The following WWP2 variants were observed in gnomAD, a reference collection of about 807,000 sequenced individuals.
WWP2 encodes NEDD4-like E3 ubiquitin-protein ligase WWP2.
In WWP2, 57 loss-of-function variants were observed where a neutral mutation model predicts 121.0. The ratio of observed to expected loss-of-function variants is 0.47; its 90% confidence interval spans 0.38 to 0.59. The LOEUF (loss-of-function observed/expected upper bound fraction) is 0.59. Among genes scored for constraint, WWP2 ranks in the 20% least tolerant of loss-of-function variants. The pLI is 0.00. For synonymous variants in WWP2, 449 were observed against 441.3 expected (o/e 1.02, Z -0.22); for missense variants, 962 against 1,158.9 (o/e 0.83, Z 2.47).
chr16:69,803,114 A>G (rs1420038306), intron 4 of WWP2, among the ~76,000 whole-genome samples: 2 of 145,774 alleles, frequency 1.4e-5, no homozygotes, highest in Admixed American at 6.8e-5. Flanking sequence ...TTTTTTTCCT[A>G]TTTGATAACT....
chr16:69,936,078 G>A (rs2058793182), intron 18 of WWP2, 92 bp downstream of exon 18: 14 of 1,552,296 alleles, frequency 9.0e-6, no homozygotes, highest in Non-Finnish European at 1.1e-5. Flanking sequence ...TTGTCTGCCA[G>A]TGTGGCCCCT....
At chr16:69,764,647 C>T (rs185298001) in intron 1 of WWP2, among the ~76,000 whole-genome samples, 18 of 152,168 alleles carry the variant, frequency 1.2e-4, no homozygotes, top group Admixed American at 1.2e-3. Flanking sequence ...GGAAAACATT[C>T]TTTCATTCAG....
At chr16:69,771,318 G>A (rs149858454) in intron 1 of WWP2, among the ~76,000 whole-genome samples, 7,802 of 152,150 alleles carry the variant, frequency 0.051, 266 homozygotes, top group Middle Eastern at 0.11. Flanking sequence ...TGCTATCTTG[G>A]CTCACTGCAA....
chr16:69,810,612 T>C (rs1367208908), intron 4 of WWP2, among the ~76,000 whole-genome samples: 4 of 151,564 alleles, frequency 2.6e-5, no homozygotes, highest in Non-Finnish European at 2.9e-5. Context: ...TATTTTTTTT[T>C]AGTAGAGATG....
rs2058623588 is a variant in WWP2, at chr16:69,925,278, G to A, written c.1180-152G>A. 1 of 1,470,026 alleles carries A rather than the reference G, an allele frequency of 6.8e-7. No homozygotes were observed. Among genetic ancestry groups the A allele is most frequent in the Non-Finnish European group, 9.0e-7 (1 of 1,108,970 alleles). 91.1% of individuals were successfully genotyped at this position (1,470,026 alleles called of 1,614,324 possible). On this transcript the variant is annotated intron_variant, in intron 10 of 23. Coordinates refer to ENST00000359154, the MANE Select transcript of WWP2 (RefSeq NM_001270454.2). This position sits in a 1 kb window ranked among gnomAD's most constrained non-coding sequence, Gnocchi z 4.0. ...AACAAAAAACAGAGACTTTTGAGAG[G>A]AGCAGATGCCACCTAAAGTCCCACT...
chr16:69,900,898 T>C (rs1188094659), intron 8 of WWP2, among the ~76,000 whole-genome samples: 1 of 152,182 alleles, frequency 6.6e-6, no homozygotes, highest in Non-Finnish European at 1.5e-5. Context: ...TCAGGAGCTT[T>C]GGTAGCTGCT....
chr16:69,871,991 C>T (rs547000889), intron 7 of WWP2, 60 bp downstream of exon 7: 120 of 1,560,188 alleles, frequency 7.7e-5, no homozygotes, highest in South Asian at 1.7e-4. Context: ...CCCGTTCTAA[C>T]GTGGACACGG....
chr16:69,940,787 C>T lies in WWP2; in HGVS notation c.*847C>T, dbSNP rs2058870251. Reference sequence around the variant, plus strand: ...CCTCTCAGGAACCCACCTGGCGGTTCCGTGAGCTCAGGCAGGCCTGACCCG... The same window carrying T: ...CCTCTCAGGAACCCACCTGGCGGTTTCGTGAGCTCAGGCAGGCCTGACCCG... On this transcript the variant is annotated 3_prime_UTR_variant, in exon 24 of 24. Coordinates refer to ENST00000359154, the MANE Select transcript of WWP2 (RefSeq NM_001270454.2). The T allele has an allele frequency of 6.5e-6, 1 of 153,264 alleles. No individual in the cohort carries two copies. The highest frequency in any genetic ancestry group is 6.5e-5 in the Admixed American group (1 of 15,288). 9.5% of individuals were successfully genotyped at this position (153,264 alleles called of 1,614,324 possible).
intron 7 of WWP2, among the ~76,000 whole-genome samples, chr16:69,872,788 A>G (rs1430981168): frequency 6.6e-6 from 1 of 152,230 alleles, no homozygotes; most frequent in Admixed American, 6.5e-5. Flanking sequence ...CCACGTGCGC[A>G]TGGAACTTCC....
At chr16:69,911,643 G>A (rs1299995552) in intron 9 of WWP2, among the ~76,000 whole-genome samples, 2 of 152,140 alleles carry the variant, frequency 1.3e-5, no homozygotes, top group Non-Finnish European at 2.9e-5. Flanking sequence ...GATTTCAACT[G>A]AAATAAAGAG....
Position 69,826,954 on chromosome 16 carries a change from A to AG in WWP2, c.341-13162dup, listed in dbSNP as rs66938317. ...ACTCCACCTCAAAAAAAAAAAAAAA[A>AG]GGGGGGGGGGCGGAGAGAATAATGG... is the stretch of plus-strand genomic sequence containing the variant. On this transcript the variant is annotated intron_variant, in intron 4 of 23. Coordinates refer to ENST00000359154, the MANE Select transcript of WWP2 (RefSeq NM_001270454.2). 3.2e-3 allele frequency among the ~76,000 whole-genome samples: 348 copies of AG among 110,340 alleles called. 2 individuals are homozygous for AG. Among genetic ancestry groups the AG allele is most frequent in the East Asian group, 7.9e-3 (24 of 3,038 alleles). The allele number at this position is 110,340 out of a possible 152,430, so 72.4% of individuals were successfully genotyped here.
intron 9 of WWP2, chr16:69,909,083 A>T (rs1007166576): frequency 9.9e-6 from 13 of 1,312,258 alleles, no homozygotes; most frequent in Non-Finnish European, 1.2e-5. Context: ...GCCAAGATTT[A>T]GAGTGTTGAT....
chr16:69,786,153 TTC>T, intron 1 of WWP2: 1 of 140,914 alleles, frequency 7.1e-6, no homozygotes. Flanking sequence ...TTTTTTTTTC[TTC>T]TTTTTTTGAG....
chr16:69,778,072 AAT>A (rs138021233), intron 1 of WWP2, among the ~76,000 whole-genome samples: 55,445 of 137,338 alleles, frequency 0.4, 11,532 homozygotes, highest in Middle Eastern at 0.5. Flanking sequence ...CCCTGTCTCA[AAT>A]ATATATATAT....
At position 69,799,006 on chromosome 16, in the gene WWP2, T is replaced by C. The variant is rs754689712; in HGVS notation, c.219-168T>C. 8.2e-6 allele frequency: 11 copies of C among 1,340,554 alleles called. No homozygotes were observed. Among genetic ancestry groups the C allele is most frequent in the Non-Finnish European group, 1.1e-5 (11 of 986,892 alleles). 83.0% of individuals were successfully genotyped at this position (1,340,554 alleles called of 1,614,324 possible). The stretch of plus-strand genomic sequence containing the variant: ...CATTGAGCTCATAGAGCGTTCATTA[T>C]TATCTAGAGGGTTACAGGGTCAGCT... On this transcript the variant is annotated intron_variant, in intron 3 of 23. Coordinates refer to ENST00000359154, the MANE Select transcript of WWP2 (RefSeq NM_001270454.2). The surrounding 1 kb of genome is among the most constrained non-coding windows in gnomAD (Gnocchi z 4.5).
At chr16:69,786,603 A>G (rs1283008306) in intron 1 of WWP2, among the ~76,000 whole-genome samples, 1 of 151,626 alleles carries the variant, frequency 6.6e-6, no homozygotes, top group African/African-American at 2.4e-5. Flanking sequence ...GGCATGCAGC[A>G]CCATGCCTGG....
chr16:69,883,397 T>C (rs1295205642), intron 7 of WWP2, among the ~76,000 whole-genome samples: 5 of 100,284 alleles, frequency 5.0e-5, no homozygotes, highest in Non-Finnish European at 9.5e-5. Context: ...TCTAAGAATG[T>C]GCGCACACAC....
chr16:69,929,626 C>A, intron 12 of WWP2, 97 bp downstream of exon 12: 1 of 1,060,850 alleles, frequency 9.4e-7, no homozygotes, highest in Non-Finnish European at 1.4e-6. Context: ...TCCCAGAGGG[C>A]TGATGTCAGG....
At chr16:69,933,344 C>A (rs1005774814) in intron 16 of WWP2, among the ~76,000 whole-genome samples, 1 of 151,856 alleles carries the variant, frequency 6.6e-6, no homozygotes, top group African/African-American at 2.4e-5. Flanking sequence ...CAGATGAATG[C>A]GTGGAAGTGT....
Sources: gnomAD v4.1 joint callset for allele counts (sites outside exome capture counted in the v4.1 genomes callset) on GRCh38, gnomAD v4.1.1 for gene constraint, Gnocchi (gnomAD v3.1) non-coding constraint, MANE v1.5 for transcripts, NCBI Gene and HGNC (gene_info 2026-07-23, HGNC 2026-07-21) for gene names.